Variants in SORCS2 observed in about 807,000 individuals in gnomAD.
SORCS2 encodes VPS10 domain-containing receptor SorCS2.
In SORCS2, 100 loss-of-function variants were observed where a neutral mutation model predicts 141.6. The observed-to-expected ratio is 0.71, with a 90% CI of 0.60 to 0.83. The LOEUF is 0.83. SORCS2 is among the 40% of genes least tolerant of loss of function. SORCS2 has a pLI of 0.00. For synonymous variants in SORCS2, 789 were observed against 676.9 expected, an observed-to-expected ratio of 1.17 and a Z score of -2.57; for missense variants, 1,646 against 1,560.2, an observed-to-expected ratio of 1.05 and a Z score of -0.93.
chr4:7,727,930 C>T (rs2148889011), intron 21 of SORCS2, among the ~76,000 whole-genome samples: 1 of 152,326 alleles, frequency 6.6e-6, no homozygotes, highest in Non-Finnish European at 1.5e-5. Context: ...AGTTGAAGTC[C>T]ATGGATCCCT....
At chr4:7,215,536 G>A (rs1728292843) in intron 1 of SORCS2, among the ~76,000 whole-genome samples, 1 of 152,258 alleles carries the variant, frequency 6.6e-6, no homozygotes, top group Admixed American at 6.5e-5. Flanking sequence ...CGGACTGGCA[G>A]GCAGCTCCAC....
chr4:7,734,558 T>A (rs146017112), intron 25 of SORCS2, among the ~76,000 whole-genome samples, 184 bp downstream of exon 25: 80 of 151,168 alleles, frequency 5.3e-4, no homozygotes, highest in African/African-American at 1.9e-3. Context: ...ACCTGTGGGG[T>A]CCCTGGAAGA....
At chr4:7,600,272 A>G (rs998491553) in intron 3 of SORCS2, among the ~76,000 whole-genome samples, 3 of 152,182 alleles carry the variant, frequency 2.0e-5, no homozygotes, top group Non-Finnish European at 4.4e-5. Context: ...TTATCTTACC[A>G]TGCTGGAGTC....
rs559717220 is a variant in SORCS2 at position 7,460,235 on chromosome 4, G to A, written c.548+63880G>A. The A allele has an allele frequency of 7.1e-5, 11 of 154,780 alleles. No individual in the cohort carries two copies. In the South Asian group the frequency reaches 2.0e-3, roughly 29 times the overall value. 9.6% of individuals were successfully genotyped at this position (154,780 alleles called of 1,614,324 possible). ...AAGGGAAATGAGGCAGTGGTACCTT[G>A]GGGTCCTCACACTGAGCGATGCCAT... On this transcript the variant is annotated intron_variant, in intron 2 of 26. Coordinates refer to ENST00000507866, the MANE Select transcript of SORCS2 (RefSeq NM_020777.3).
intron 8 of SORCS2, among the ~76,000 whole-genome samples, chr4:7,672,358 T>C (rs1201823254): frequency 6.6e-6 from 1 of 152,048 alleles, no homozygotes; most frequent in Non-Finnish European, 1.5e-5. Flanking sequence ...AACCCCGGAG[T>C]TCAGAAGGCA....
At chr4:7,576,785 C>T (rs774252362) in intron 3 of SORCS2, among the ~76,000 whole-genome samples, 68 of 152,158 alleles carry the variant, frequency 4.5e-4, no homozygotes, top group Non-Finnish European at 7.2e-4. Flanking sequence ...CCTGCTCAAG[C>T]GGCCACAGGG....
At chr4:7,471,691 C>T (rs1252113976) in intron 2 of SORCS2, among the ~76,000 whole-genome samples, 5 of 152,226 alleles carry the variant, frequency 3.3e-5, no homozygotes, top group East Asian at 1.9e-4. Context: ...AGGCCTGTTC[C>T]GGGAGTAGGC....
At chr4:7,588,834 T>G (rs925433686) in intron 3 of SORCS2, among the ~76,000 whole-genome samples, 7 of 152,246 alleles carry the variant, frequency 4.6e-5, no homozygotes, top group Admixed American at 3.9e-4. Context: ...AGACTTTTTT[T>G]GGTATATTTT....
rs556046766 is a variant in SORCS2 at position 7,660,212 on chromosome 4, A to G, written c.888-1288A>G. 2.6e-5 allele frequency among the ~76,000 whole-genome samples: 4 copies of G among 152,248 alleles called. No homozygotes were observed. In the South Asian group the frequency reaches 6.2e-4, roughly 24 times the overall value. ...AAGCTTCCTCCCTCTCCTCCTGCCC[A>G]GTTAAAGACTTCGCCCAGCAGGGCA... is the stretch of plus-strand genomic sequence containing the variant. On this transcript the variant is annotated intron_variant, in intron 5 of 26. Transcript: ENST00000507866.
chr4:7,724,041 C>T (rs527270374), intron 19 of SORCS2, among the ~76,000 whole-genome samples, 158 bp downstream of exon 19: 13 of 152,294 alleles, frequency 8.5e-5, no homozygotes, highest in African/African-American at 2.6e-4. Context: ...GGGCTCAAAC[C>T]CGCACCCCTG....
At chr4:7,271,644 G>T (rs1051496780) in intron 1 of SORCS2, among the ~76,000 whole-genome samples, 1 of 152,194 alleles carries the variant, frequency 6.6e-6, no homozygotes, top group Non-Finnish European at 1.5e-5. Context: ...TGTGGCTCCC[G>T]TCTGCCACAG....
rs957104753 is a variant in SORCS2, at chr4:7,714,431, A to G, written c.2123+58A>G. The stretch of plus-strand genomic sequence containing the variant: ...GGCGCTGCTTGAGCATCCTCACAGC[A>G]TGGCGGCCACTTCCCTCAGAGTGAG... On this transcript the variant is annotated intron_variant, in intron 16 of 26. Transcript: ENST00000507866. The G allele has an allele frequency of 4.6e-6, 7 of 1,520,746 alleles. No homozygotes were observed. The Admixed American group carries it at 1.0e-4, about 22-fold the overall frequency. The allele number at this position is 1,520,746 out of a possible 1,614,324, so 94.2% of individuals were successfully genotyped here.
At chr4:7,543,783 C>T (rs868709153) in intron 3 of SORCS2, among the ~76,000 whole-genome samples, 7 of 19,326 alleles carry the variant, frequency 3.6e-4, no homozygotes, top group East Asian at 7.8e-3. Context: ...CATCCATCCA[C>T]TCATCCATCC....
chr4:7,269,171 G>A (rs1199362316), intron 1 of SORCS2, among the ~76,000 whole-genome samples: 7 of 152,220 alleles, frequency 4.6e-5, no homozygotes, highest in Admixed American at 4.6e-4. Context: ...GCCTGGAGGA[G>A]CTTACATTCC....
intron 1 of SORCS2, among the ~76,000 whole-genome samples, chr4:7,247,390 A>G (rs1309026511): frequency 1.3e-5 from 2 of 152,100 alleles, no homozygotes; most frequent in African/African-American, 4.8e-5. Flanking sequence ...TACTTAGAAG[A>G]GAAAATTATT....
intron 3 of SORCS2, among the ~76,000 whole-genome samples, chr4:7,581,676 G>A (rs1233138812): frequency 2.0e-5 from 3 of 152,154 alleles, no homozygotes; most frequent in Non-Finnish European, 4.4e-5. Context: ...GGTGCTGTCC[G>A]TGGTGCTGAC....
intron 1 of SORCS2, among the ~76,000 whole-genome samples, chr4:7,254,940 C>T (rs1713750133): frequency 6.6e-6 from 1 of 152,058 alleles, no homozygotes; most frequent in South Asian, 2.1e-4. Flanking sequence ...GCATCCGATG[C>T]TACATCTGCA....
intron 2 of SORCS2, among the ~76,000 whole-genome samples, chr4:7,490,196 C>T (rs1468786632): frequency 1.3e-5 from 2 of 152,258 alleles, no homozygotes; most frequent in Non-Finnish European, 2.9e-5. Flanking sequence ...CTCTAAGCAT[C>T]GCCTGCCTCT....
chr4:7,297,523 C>G (rs536694212), intron 1 of SORCS2, among the ~76,000 whole-genome samples: 1 of 152,218 alleles, frequency 6.6e-6, no homozygotes, highest in African/African-American at 2.4e-5. Context: ...CTGGCCATGC[C>G]CTGCCCCCTG....
Sources: gnomAD v4.1 joint callset for allele counts (sites outside exome capture counted in the v4.1 genomes callset) on GRCh38, gnomAD v4.1.1 for gene constraint, MANE v1.5 for transcripts, NCBI Gene and HGNC (gene_info 2026-07-23, HGNC 2026-07-21) for gene names.